Variants in DLC1 observed in about 807,000 individuals in gnomAD.
DLC1 encodes the protein DLC1 Rho GTPase activating protein, also known as rho GTPase-activating protein 7.
A neutral mutation model predicts 140.3 loss-of-function variants in DLC1; 54 were observed. That is an observed-to-expected ratio of 0.38 (90% CI 0.31 to 0.48). The LOEUF (loss-of-function observed/expected upper bound fraction) is 0.48, where lower values mean the gene tolerates loss of function less well. DLC1 is among the 20% of genes least tolerant of loss of function. The pLI is 0.96. For missense variants in DLC1, 2,536 were observed against 1,907.0 expected, an observed-to-expected ratio of 1.33 and a Z score of -6.14; for synonymous variants, 986 against 728.1, an observed-to-expected ratio of 1.35 and a Z score of -5.70.
intron 4 of DLC1, among the ~76,000 whole-genome samples, chr8:13,367,915 T>C (rs1835562707): frequency 6.6e-6 from 1 of 152,158 alleles, no homozygotes; most frequent in Admixed American, 6.5e-5. Flanking sequence ...TAGACAGGAA[T>C]TTCACAGAAA....
chr8:13,413,980 A>G (rs570865045), intron 2 of DLC1, among the ~76,000 whole-genome samples: 2 of 152,294 alleles, frequency 1.3e-5, no homozygotes, highest in Admixed American at 1.3e-4. Flanking sequence ...AAATTACTCC[A>G]ACAAGTACAT....
At chr8:13,421,790 A>G (rs754216575) in intron 2 of DLC1, among the ~76,000 whole-genome samples, 2 of 152,202 alleles carry the variant, frequency 1.3e-5, no homozygotes, top group African/African-American at 2.4e-5. Context: ...AAACCAAACA[A>G]TGGCTTCTTC....
chr8:13,122,897 T>C (rs1194511642), intron 5 of DLC1, among the ~76,000 whole-genome samples: 1 of 152,090 alleles, frequency 6.6e-6, no homozygotes, highest in African/African-American at 2.4e-5. Context: ...AACTCAAATC[T>C]ACTGTTAGGT....
chr8:13,442,060 A>G (rs1022327045), intron 2 of DLC1, among the ~76,000 whole-genome samples: 3 of 152,344 alleles, frequency 2.0e-5, no homozygotes, highest in South Asian at 2.1e-4. Context: ...CATATCTACA[A>G]CTATCTGATC....
At chr8:13,573,601 A>G (rs1804740934) in intron 1 of DLC1, among the ~76,000 whole-genome samples, 1 of 152,132 alleles carries the variant, frequency 6.6e-6, no homozygotes, top group African/African-American at 2.4e-5. Context: ...CATATATGGC[A>G]TTTTCATGTT....
intron 5 of DLC1, among the ~76,000 whole-genome samples, chr8:13,121,800 G>A (rs981266782): frequency 3.9e-5 from 6 of 152,008 alleles, no homozygotes; most frequent in Non-Finnish European, 7.4e-5. Context: ...CAATCCTCCT[G>A]CCTCGGCCTC....
intron 4 of DLC1, chr8:13,353,424 AG>A (rs1834770603): frequency 6.6e-6 from 1 of 152,052 alleles, no homozygotes; most frequent in Non-Finnish European, 1.5e-5. Flanking sequence ...TGCCCCATTG[AG>A]TAATGATGAC....
chr8:13,192,503 T>C (rs977919081), intron 5 of DLC1, among the ~76,000 whole-genome samples: 7 of 152,160 alleles, frequency 4.6e-5, no homozygotes, highest in African/African-American at 1.7e-4. Flanking sequence ...TGTTTCCTGT[T>C]TCTAACACAG....
At chr8:13,343,695 T>C (rs185099401) in intron 4 of DLC1, among the ~76,000 whole-genome samples, 64 of 152,292 alleles carry the variant, frequency 4.2e-4, no homozygotes, top group Non-Finnish European at 5.9e-4. Context: ...TCATATTTTA[T>C]TCCAAAGCCT....
intron 1 of DLC1, among the ~76,000 whole-genome samples, chr8:13,512,289 A>G (rs1233636336): frequency 1.3e-5 from 2 of 152,156 alleles, no homozygotes; most frequent in African/African-American, 4.8e-5. Flanking sequence ...CAGCTATTAG[A>G]AATGGAATGT....
chr8:13,563,892 T>A (rs750610620), intron 1 of DLC1, among the ~76,000 whole-genome samples: 5 of 152,178 alleles, frequency 3.3e-5, no homozygotes, highest in Non-Finnish European at 5.9e-5. Flanking sequence ...GAAAGGTTCA[T>A]TTTATTACTA....
intron 4 of DLC1, among the ~76,000 whole-genome samples, chr8:13,367,639 T>C (rs538871750): frequency 3.4e-4 from 51 of 152,226 alleles, no homozygotes; most frequent in Non-Finnish European, 5.6e-4. Context: ...CTGTATCCTT[T>C]GAAGTCATCA....
At chr8:13,403,251 A>G (rs556316029) in intron 2 of DLC1, among the ~76,000 whole-genome samples, 1 of 152,330 alleles carries the variant, frequency 6.6e-6, no homozygotes, top group East Asian at 1.9e-4. Flanking sequence ...AACTATTCTT[A>G]TAAAGGGGTC....
At chr8:13,363,139 T>C (rs1227606710) in intron 4 of DLC1, among the ~76,000 whole-genome samples, 1 of 152,202 alleles carries the variant, frequency 6.6e-6, no homozygotes, top group Non-Finnish European at 1.5e-5. Context: ...TATTTGTAAA[T>C]TACTAATTCT....
chr8:13,411,698 A>C (rs1837791790), intron 2 of DLC1, among the ~76,000 whole-genome samples: 1 of 152,200 alleles, frequency 6.6e-6, no homozygotes, highest in Admixed American at 6.5e-5. Context: ...CTTTTTAAAA[A>C]GTCCATTAAA....
intron 5 of DLC1, among the ~76,000 whole-genome samples, chr8:13,127,801 T>C (rs1257112508): frequency 6.6e-6 from 1 of 152,180 alleles, no homozygotes; most frequent in South Asian, 2.1e-4. Context: ...TCTGACAAGC[T>C]TCAGGAAGTG....
intron 2 of DLC1, among the ~76,000 whole-genome samples, chr8:13,483,751 A>G (rs1319032335): frequency 6.6e-6 from 1 of 152,122 alleles, no homozygotes; most frequent in Non-Finnish European, 1.5e-5. Flanking sequence ...GGAATTTTGA[A>G]GCAATAGAAG....
At chr8:13,442,134 G>GA (rs1798542048) in intron 2 of DLC1, among the ~76,000 whole-genome samples, 1 of 152,146 alleles carries the variant, frequency 6.6e-6, no homozygotes, top group Admixed American at 6.5e-5. Flanking sequence ...ATGGTGCTGG[G>GA]AAAACTGGCT....
chr8:13,208,369 T>A (rs1191280012), intron 5 of DLC1, among the ~76,000 whole-genome samples: 1 of 152,214 alleles, frequency 6.6e-6, no homozygotes, highest in Non-Finnish European at 1.5e-5. Context: ...AAGATTTTTG[T>A]TATCAGGCTC....
Sources: allele counts gnomAD v4.1 joint callset (sites outside exome capture counted in the v4.1 genomes callset), GRCh38; gene constraint gnomAD v4.1.1; transcripts MANE v1.5; gene names NCBI Gene and HGNC (gene_info 2026-07-23, HGNC 2026-07-21).